OPALIN: variants seen among roughly 807,000 people sequenced by gnomAD.
OPALIN encodes the protein oligodendrocytic myelin paranodal and inner loop protein.
A neutral mutation model predicts 17.8 loss-of-function variants in OPALIN; 15 were observed. The ratio of observed to expected loss-of-function variants is 0.84; its 90% CI spans 0.56 to 1.29. The LOEUF (loss-of-function observed/expected upper bound fraction) is 1.29. Ranked by LOEUF, OPALIN falls within the 50% of genes most tolerant of loss-of-function variation. The pLI is 0.00. For missense variants in OPALIN, 170 were observed against 176.0 expected, an observed-to-expected ratio of 0.97 and a Z score of 0.19; for synonymous variants, 62 against 63.8, an observed-to-expected ratio of 0.97 and a Z score of 0.14.
chr10:96,351,534 T>C, intron 2 of OPALIN, 124 bp from the exon 3 acceptor site: 1 of 521,554 alleles, frequency 1.9e-6, no homozygotes, highest in East Asian at 3.3e-5. Context: ...AAACTTTCTG[T>C]TAACAACTAC....
intron 1 of OPALIN, chr10:96,357,035 G>A (rs1205913049): frequency 2.0e-6 from 2 of 985,470 alleles, no homozygotes; most frequent in East Asian, 1.1e-4. Flanking sequence ...CTGGGATGAC[G>A]GTGGAACACA....
At chr10:96,352,038 T>G (rs1005757714) in intron 2 of OPALIN, among the ~76,000 whole-genome samples, 1 of 152,182 alleles carries the variant, frequency 6.6e-6, no homozygotes, top group African/African-American at 2.4e-5. Flanking sequence ...CACTAAGTGG[T>G]ATGCTGTGGG....
Position 96,348,382 on chromosome 10 carries a change from G to A in OPALIN, c.193-37C>T, listed in dbSNP as rs770615269. The stretch of plus-strand genomic sequence containing the variant: ...AAAATATAATAATAAAAGAAAGAAA[G>A]AAGAAGAAGTGAAGGGTTATAGCAT... On this transcript the variant is annotated intron_variant, in intron 4 of 5. Coordinates refer to ENST00000371172, the MANE Select transcript of OPALIN (RefSeq NM_033207.5). 2.0e-5 allele frequency: 21 copies of A among 1,066,982 alleles called. No individual in the cohort carries two copies. The African/African-American group carries it at 2.4e-4, about 12-fold the overall frequency. The allele number at this position is 1,066,982 out of a possible 1,614,324, so 66.1% of individuals were successfully genotyped here.
intron 5 of OPALIN, among the ~76,000 whole-genome samples, chr10:96,346,588 T>C (rs1245475858): frequency 6.6e-6 from 1 of 152,248 alleles, no homozygotes; most frequent in Admixed American, 6.5e-5. Flanking sequence ...TCTTGCTATT[T>C]GTTTTCTGTT....
chr10:96,357,093 A>C, intron 1 of OPALIN: 1 of 985,444 alleles, frequency 1.0e-6, no homozygotes. Flanking sequence ...CAAGGGACCT[A>C]ACCACTGCTC....
intron 3 of OPALIN, among the ~76,000 whole-genome samples, chr10:96,350,873 T>C (rs962917444): frequency 1.3e-5 from 2 of 152,140 alleles, no homozygotes; most frequent in Non-Finnish European, 2.9e-5. Context: ...GCAACTGTTA[T>C]TTAATAATGG....
chr10:96,355,628 A>T (rs1845788138), intron 1 of OPALIN, among the ~76,000 whole-genome samples: 1 of 152,186 alleles, frequency 6.6e-6, no homozygotes, highest in Non-Finnish European at 1.5e-5. Flanking sequence ...AAAAGGCTAA[A>T]ATTATGTTTA....
At chr10:96,352,681 TAAAAAAAAAA>T (rs72007324) in intron 2 of OPALIN, among the ~76,000 whole-genome samples, 3 of 96,780 alleles carry the variant, frequency 3.1e-5, no homozygotes, top group Non-Finnish European at 6.4e-5. Flanking sequence ...TGGCTTTCAC[TAAAAAAAAAA>T]AAAAAAAAAG....
At chr10:96,357,056 G>A (rs146594227) in intron 1 of OPALIN, 4 of 985,442 alleles carry the variant, frequency 4.1e-6, no homozygotes, top group Non-Finnish European at 4.8e-6. Context: ...GGGACGTCTG[G>A]GCCTCTTAGG....
chr10:96,346,668 T>A (rs1359029575), intron 5 of OPALIN, among the ~76,000 whole-genome samples: 1 of 152,210 alleles, frequency 6.6e-6, no homozygotes, highest in Non-Finnish European at 1.5e-5. Context: ...TAGAAGAACC[T>A]CATTAAGTTC....
At chr10:96,353,487 T>C (rs1845672622) in intron 2 of OPALIN, 7 of 1,530,622 alleles carry the variant, frequency 4.6e-6, no homozygotes, top group Non-Finnish European at 6.3e-6. Flanking sequence ...CTTTCAGTGC[T>C]AAAAACAGAC....
At chr10:96,355,528 G>C (rs539467370) in intron 1 of OPALIN, among the ~76,000 whole-genome samples, 3 of 152,084 alleles carry the variant, frequency 2.0e-5, no homozygotes, top group South Asian at 2.1e-4. Context: ...CCAGGTCCTC[G>C]ACCAGGATCA....
chr10:96,357,066 G>T, intron 1 of OPALIN: 2 of 985,468 alleles, frequency 2.0e-6, no homozygotes, highest in Non-Finnish European at 1.2e-6. Context: ...GGCCTCTTAG[G>T]TCAGGGTCCT....
Position 96,352,681 on chromosome 10 carries a change from T to TAAAAAA in OPALIN, c.40-1277_40-1272dup, listed in dbSNP as rs72007324. Among the ~76,000 whole-genome samples, 26 of 96,786 alleles carry TAAAAAA rather than the reference T, an allele frequency of 2.7e-4. 1 individual carries two copies. In the South Asian group the frequency reaches 7.8e-3, roughly 29 times the overall value. 63.5% of individuals were successfully genotyped at this position (96,786 alleles called of 152,430 possible). A position where few individuals can be genotyped will look rare whatever the true frequency, so the allele number is the denominator to read the frequency against. ...GAAATACACTTAGGGTGGCTTTCAC[T>TAAAAAA]AAAAAAAAAAAAAAAAAAAGGAAGG... On this transcript the variant is annotated intron_variant, in intron 2 of 5. Coordinates refer to ENST00000371172, the MANE Select transcript of OPALIN (RefSeq NM_033207.5).
Position 96,344,539 on chromosome 10 carries a change from G to T in OPALIN, c.*1402C>A, listed in dbSNP as rs1279978273. On this transcript the variant is annotated 3_prime_UTR_variant, in exon 6 of 6. Transcript: ENST00000371172. ...AGAAAGCTGGAGGGTGGCCTCTCCT[G>T]GAGTAATCCACCCAAAATAAGGCAA... The T allele has an allele frequency of 1.3e-5, 2 of 152,036 alleles. No individual in the cohort carries two copies. Among genetic ancestry groups the T allele is most frequent in the African/African-American group, 4.8e-5 (2 of 41,388 alleles). 9.4% of individuals were successfully genotyped at this position (152,036 alleles called of 1,614,324 possible). A position where few individuals can be genotyped will look rare whatever the true frequency, so the allele number is the denominator to read the frequency against.
chr10:96,346,754 T>C (rs1278762938), intron 5 of OPALIN, among the ~76,000 whole-genome samples: 1 of 152,232 alleles, frequency 6.6e-6, no homozygotes, highest in African/African-American at 2.4e-5. Context: ...CATCGTTATG[T>C]TATTAACACT....
At chr10:96,350,767 C>T (rs1044998506) in intron 3 of OPALIN, among the ~76,000 whole-genome samples, 8 of 152,146 alleles carry the variant, frequency 5.3e-5, no homozygotes, top group South Asian at 2.1e-4. Flanking sequence ...TTGCTTTGAT[C>T]GGAGTGGAAA....
chr10:96,350,629 C>T (rs573041991), intron 3 of OPALIN, among the ~76,000 whole-genome samples: 7 of 152,096 alleles, frequency 4.6e-5, no homozygotes, highest in Non-Finnish European at 7.3e-5. Flanking sequence ...CAAACCTGCA[C>T]GTTGTGCACA....
Position 96,349,225 on chromosome 10 carries a change from A to C in OPALIN, c.192+482T>G, listed in dbSNP as rs534656705. On this transcript the variant is annotated intron_variant, in intron 4 of 5. Coordinates refer to ENST00000371172, the MANE Select transcript of OPALIN (RefSeq NM_033207.5). ...CTTTTGATTTCTAAGCATAGTCCCC[A>C]GAACAGTCTGGCATTGGAGGGGTGG... 3.9e-4 allele frequency among the ~76,000 whole-genome samples: 60 copies of C among 152,340 alleles called. 1 individual carries two copies. Among genetic ancestry groups the C allele is most frequent in the Admixed American group, 3.9e-3 (60 of 15,298 alleles).
Sources: allele counts gnomAD v4.1 joint callset (sites outside exome capture counted in the v4.1 genomes callset), GRCh38; gene constraint gnomAD v4.1.1; transcripts MANE v1.5; gene names NCBI Gene and HGNC (gene_info 2026-07-23, HGNC 2026-07-21).